Variants in ARID5B observed in about 807,000 individuals in gnomAD.
ARID5B encodes AT-rich interaction domain 5B, also known as AT-rich interactive domain-containing protein 5B.
ARID5B carries 13 observed loss-of-function variants against 97.2 expected under a neutral mutation model. The ratio of observed to expected loss-of-function variants is 0.13; its 90% CI spans 0.09 to 0.21. The LOEUF (loss-of-function observed/expected upper bound fraction) is 0.21. ARID5B is among the 10% of genes least tolerant of loss of function. The pLI, the probability that ARID5B is intolerant of heterozygous loss-of-function variation, is 1.00. For missense variants in ARID5B, 1,210 were observed against 1,465.3 expected (o/e 0.83, Z 2.84); for synonymous variants, 556 against 570.3 (o/e 0.97, Z 0.36).
chr10:62,057,043 C>T, intron 5 of ARID5B, 74 bp from the exon 6 acceptor site: 1 of 1,436,106 alleles, frequency 7.0e-7, no homozygotes, highest in Non-Finnish European at 9.6e-7. Flanking sequence ...GTTGCTGGCT[C>T]TGTCACTAGC....
chr10:62,002,207 T>C (rs374191046), intron 4 of ARID5B, among the ~76,000 whole-genome samples: 6 of 152,362 alleles, frequency 3.9e-5, no homozygotes, highest in African/African-American at 1.2e-4. Flanking sequence ...GGATCTAGAA[T>C]TGGTAATAGA....
chr10:62,049,605 G>T lies in ARID5B; in HGVS notation c.734-1283G>T, dbSNP rs77064842. The T allele has an allele frequency of 1.6e-3, 2,142 of 1,367,556 alleles. 48 individuals carry two copies. In the East Asian group the frequency reaches 0.046, roughly 29 times the overall value. The allele number at this position is 1,367,556 out of a possible 1,614,324, so 84.7% of individuals were successfully genotyped here. ...GTTTAGGGGAATGAGAGGAGAGAGCGGGTGTGGGAAGGGGATCCTAAGCCC... is the reference window on the plus strand; with the variant it reads ...GTTTAGGGGAATGAGAGGAGAGAGCTGGTGTGGGAAGGGGATCCTAAGCCC... On this transcript the variant is annotated intron_variant, in intron 4 of 9. Transcript: ENST00000279873.
At chr10:61,910,280 C>T (rs1033806818) in intron 2 of ARID5B, among the ~76,000 whole-genome samples, 2 of 152,164 alleles carry the variant, frequency 1.3e-5, no homozygotes, top group Admixed American at 6.5e-5. Flanking sequence ...GCTCATTTAT[C>T]AAAGTCTAGT....
intron 4 of ARID5B, among the ~76,000 whole-genome samples, chr10:62,010,014 A>T (rs1372052582): frequency 6.6e-6 from 1 of 151,830 alleles, no homozygotes; most frequent in African/African-American, 2.4e-5. Flanking sequence ...ACAAGCAAAA[A>T]CTCTTTTTCT....
intron 2 of ARID5B, among the ~76,000 whole-genome samples, chr10:61,908,142 T>C (rs1397867199): frequency 6.6e-6 from 1 of 152,248 alleles, no homozygotes; most frequent in Non-Finnish European, 1.5e-5. Flanking sequence ...TATTAAATTA[T>C]ATTTTGTATG....
intron 4 of ARID5B, among the ~76,000 whole-genome samples, chr10:62,022,653 C>A (rs1839371257): frequency 6.6e-6 from 1 of 152,148 alleles, no homozygotes; most frequent in Admixed American, 6.5e-5. Flanking sequence ...CAGTTTTTTT[C>A]TACAACAATC....
intron 4 of ARID5B, among the ~76,000 whole-genome samples, chr10:62,034,152 C>G (rs189018814): frequency 6.6e-6 from 1 of 152,178 alleles, no homozygotes; most frequent in Non-Finnish European, 1.5e-5. Context: ...TCTGCAACCT[C>G]TCTGTGTGCA....
intron 4 of ARID5B, among the ~76,000 whole-genome samples, chr10:62,049,010 A>G (rs1295446328): frequency 6.6e-6 from 1 of 152,202 alleles, no homozygotes; most frequent in Admixed American, 6.5e-5. Flanking sequence ...AAGTCTTAGC[A>G]CTTGGGTCAG....
intron 4 of ARID5B, among the ~76,000 whole-genome samples, chr10:62,004,478 A>G (rs1049832467): frequency 1.3e-5 from 2 of 152,208 alleles, no homozygotes; most frequent in Admixed American, 6.5e-5. Context: ...TGTAAGACCA[A>G]TGTGGGGAAA....
chr10:62,021,029 AATATATATATATATATATATAT>A lies in ARID5B; in HGVS notation c.733+20727_733+20748del, dbSNP rs10528323. Among the ~76,000 whole-genome samples the A allele has an allele frequency of 2.1e-3, 225 of 106,858 alleles. 1 individual carries two copies. The highest frequency in any genetic ancestry group is 2.4e-3 in the Non-Finnish European group (136 of 56,892). The allele number at this position is 106,858 out of a possible 152,430, so 70.1% of individuals were successfully genotyped here. A position where few individuals can be genotyped will look rare whatever the true frequency, so the allele number is the denominator to read the frequency against. ...ACTGGGATCATGGGTTTGTCACATG[AATATATATATATATATATATAT>A]ATATATATATATATATATCTCAGAA... On this transcript the variant is annotated intron_variant, in intron 4 of 9. Coordinates refer to ENST00000279873, the MANE Select transcript of ARID5B (RefSeq NM_032199.3).
At chr10:62,083,528 T>C (rs1840243318) in intron 8 of ARID5B, among the ~76,000 whole-genome samples, 1 of 152,038 alleles carries the variant, frequency 6.6e-6, no homozygotes, top group African/African-American at 2.4e-5. Context: ...CACTCAGAGG[T>C]AATGCTGTCA....
intron 3 of ARID5B, among the ~76,000 whole-genome samples, chr10:61,975,089 G>T (rs1284563796): frequency 6.6e-6 from 1 of 152,062 alleles, no homozygotes; most frequent in African/African-American, 2.4e-5. Context: ...CAACATTTTT[G>T]AGTTATTAAT....
intron 8 of ARID5B, among the ~76,000 whole-genome samples, chr10:62,080,008 A>C (rs545276434): frequency 6.6e-6 from 1 of 152,302 alleles, no homozygotes; most frequent in Admixed American, 6.5e-5. Context: ...TATGTAAGGC[A>C]GTTTGGCTTT....
intron 3 of ARID5B, among the ~76,000 whole-genome samples, chr10:61,949,355 G>A (rs1838290809): frequency 6.6e-6 from 1 of 152,184 alleles, no homozygotes; most frequent in Non-Finnish European, 1.5e-5. Context: ...CCATGATGGA[G>A]GCTGGGCACG....
At chr10:62,025,933 T>C (rs1416528210) in intron 4 of ARID5B, among the ~76,000 whole-genome samples, 3 of 152,212 alleles carry the variant, frequency 2.0e-5, no homozygotes, top group Non-Finnish European at 4.4e-5. Flanking sequence ...CAAAAGGTGT[T>C]CGTATCTGGT....
intron 8 of ARID5B, among the ~76,000 whole-genome samples, chr10:62,072,996 CAG>C (rs1400818803): frequency 6.6e-6 from 1 of 152,180 alleles, no homozygotes; most frequent in African/African-American, 2.4e-5. Context: ...ACAGATAAAA[CAG>C]AGATGACTGG....
chr10:62,090,568 A>G (rs1187003990), intron 9 of ARID5B, among the ~76,000 whole-genome samples: 1 of 152,256 alleles, frequency 6.6e-6, no homozygotes, highest in Non-Finnish European at 1.5e-5. Context: ...TAAACTATAT[A>G]TTAGAATCAA....
At chr10:62,051,285 T>G (rs562968164) in intron 5 of ARID5B, among the ~76,000 whole-genome samples, 1 of 152,314 alleles carries the variant, frequency 6.6e-6, no homozygotes, top group African/African-American at 2.4e-5. Context: ...ACCCACGTCA[T>G]TGAGGCTGAG....
rs909346653 is a variant in ARID5B at position 62,017,378 on chromosome 10, G to A, written c.733+17057G>A. 3.3e-5 allele frequency among the ~76,000 whole-genome samples: 5 copies of A among 151,990 alleles called. No homozygotes were observed. In the East Asian group the frequency reaches 9.7e-4, roughly 29 times the overall value. ...GAGGTGGGAGAATTGCTTGAATCTG[G>A]GCATCGGAGACTGCAGTGAGCCAAG... On this transcript the variant is annotated intron_variant, in intron 4 of 9. Transcript: ENST00000279873.
Sources: allele counts gnomAD v4.1 joint callset (sites outside exome capture counted in the v4.1 genomes callset), GRCh38; gene constraint gnomAD v4.1.1; transcripts MANE v1.5; gene names NCBI Gene and HGNC (gene_info 2026-07-23, HGNC 2026-07-21).